DENND5A: variants seen among roughly 807,000 people sequenced by gnomAD.
DENND5A encodes DENN domain-containing protein 5A.
A neutral mutation model predicts 140.3 loss-of-function variants in DENND5A; 64 were observed. The ratio of observed to expected loss-of-function variants is 0.46; its 90% confidence interval spans 0.37 to 0.56. The LOEUF (loss-of-function observed/expected upper bound fraction) is 0.56. DENND5A is among the 20% of genes least tolerant of loss of function. The pLI, the probability that DENND5A is intolerant of heterozygous loss-of-function variation, is 0.00. For missense variants in DENND5A, 1,292 were observed against 1,593.8 expected (o/e 0.81, Z 3.22); for synonymous variants, 605 against 607.7 (o/e 1.00, Z 0.07).
intron 7 of DENND5A, 143 bp from the exon 8 acceptor site, chr11:9,178,509 A>G (rs956627373): frequency 6.4e-6 from 4 of 627,014 alleles, no homozygotes; most frequent in African/African-American, 1.8e-5. Flanking sequence ...TTAAAAAAAA[A>G]AAAACCCACT....
In DENND5A at chr11:9,150,715, C is replaced by CA. The variant is rs752515542; in HGVS notation, c.2570dup (p.Met857IlefsTer24). 6.2e-7 allele frequency: 1 copy of CA among 1,613,540 alleles called. No homozygotes were observed. The highest frequency in any genetic ancestry group is 8.5e-7 in the Non-Finnish European group (1 of 1,179,610). Reference sequence around the variant, plus strand: ...GAATCAGGGAGATCCTCAGGGGAGGCATGAGTGAGCTGGCATCAGACTTCC... The same window carrying CA: ...GAATCAGGGAGATCCTCAGGGGAGGCAATGAGTGAGCTGGCATCAGACTTCC... On this transcript the variant is annotated frameshift_variant, in exon 14 of 23. Transcript: ENST00000328194. LOFTEE classifies it high-confidence loss of function.
intron 1 of DENND5A, chr11:9,242,636 C>T (rs1180886629): frequency 2.0e-5 from 3 of 152,050 alleles, no homozygotes; most frequent in Admixed American, 2.0e-4. Flanking sequence ...GGGATAATAC[C>T]ATCTAATACC....
intron 16 of DENND5A, chr11:9,146,792 A>G (rs1847445408): frequency 6.4e-6 from 3 of 467,418 alleles, no homozygotes; most frequent in Admixed American, 3.5e-5. Flanking sequence ...CTAGGACAAC[A>G]CCGACAACAC....
intron 19 of DENND5A, 112 bp from the exon 20 acceptor site, chr11:9,143,597 T>C (rs1847322193): frequency 1.5e-5 from 13 of 879,296 alleles, no homozygotes; most frequent in Non-Finnish European, 2.3e-5. Flanking sequence ...GCAGGGCAGC[T>C]GGACCCTAGG....
At chr11:9,143,947 T>C (rs368270510) in intron 19 of DENND5A, 150 bp downstream of exon 19, 3 of 869,578 alleles carry the variant, frequency 3.4e-6, no homozygotes, top group Non-Finnish European at 5.4e-6. Context: ...AAGAGAAGGG[T>C]GCCATATGTG....
At chr11:9,207,036 C>T in intron 2 of DENND5A, 1 of 501,326 alleles carries the variant, frequency 2.0e-6, no homozygotes. Flanking sequence ...ACTACTCAAA[C>T]CCAATGGTTA....
chr11:9,252,215 T>C (rs1436861684), intron 1 of DENND5A, among the ~76,000 whole-genome samples: 1 of 147,142 alleles, frequency 6.8e-6, no homozygotes, highest in Non-Finnish European at 1.5e-5. Flanking sequence ...GGAGAATCGC[T>C]TGAACCCGGG....
chr11:9,156,328 C>A (rs1476543415), intron 12 of DENND5A, among the ~76,000 whole-genome samples: 1 of 152,098 alleles, frequency 6.6e-6, no homozygotes, highest in African/African-American at 2.4e-5. Context: ...AATGGAACCT[C>A]AACTAAAAAG....
At chr11:9,243,298 T>G (rs1851324445) in intron 1 of DENND5A, among the ~76,000 whole-genome samples, 1 of 152,068 alleles carries the variant, frequency 6.6e-6, no homozygotes, top group Admixed American at 6.6e-5. Flanking sequence ...ATTCAAAATG[T>G]ACTACTTTTA....
chr11:9,242,726 G>C (rs1314169144), intron 1 of DENND5A: 1 of 152,098 alleles, frequency 6.6e-6, no homozygotes, highest in African/African-American at 2.4e-5. Flanking sequence ...AATGTTACCA[G>C]CCTCATGTTT....
intron 4 of DENND5A, among the ~76,000 whole-genome samples, chr11:9,198,865 G>T (rs1386074747): frequency 6.7e-6 from 1 of 149,642 alleles, no homozygotes; most frequent in Admixed American, 6.7e-5. Context: ...GAGATCAGGA[G>T]TTCGAGACCA....
intron 1 of DENND5A, 137 bp downstream of exon 1, chr11:9,264,824 T>TCGCCCG: frequency 1.4e-6 from 1 of 705,510 alleles, no homozygotes; most frequent in Non-Finnish European, 2.3e-6. Context: ...AAAGCCCCCT[T>TCGCCCG]CGCCCGCGCC....
chr11:9,160,428 T>G (rs1198295078), intron 12 of DENND5A, among the ~76,000 whole-genome samples: 1 of 152,262 alleles, frequency 6.6e-6, no homozygotes, highest in Non-Finnish European at 1.5e-5. Flanking sequence ...ATCTCTAGAC[T>G]AGGGCCAGCT....
intron 20 of DENND5A, 108 bp from the exon 21 acceptor site, chr11:9,142,953 G>A: frequency 2.1e-6 from 3 of 1,438,010 alleles, no homozygotes; most frequent in Non-Finnish European, 2.8e-6. Flanking sequence ...GCAAAAGACA[G>A]GCTAGGACTT....
Position 9,179,017 on chromosome 11 carries a change from T to C in DENND5A, c.1512A>G (p.Glu504=), listed in dbSNP as rs2136173166. Residue 504 remains glutamate (E), a synonymous_variant, in exon 7 of 23, where the codon GAA becomes GAG. Transcript: ENST00000328194. ...TTAGCTGGTAAATCCTGAGTTCTTC[T>C]TCATCACACTGAACTTTGAGATCCT... The part of the protein sequence containing the change: ...SNKDLKVQCD[E]EELRIYQLNI... The C allele has an allele frequency of 6.2e-7, 1 of 1,614,164 alleles. No individual in the cohort carries two copies. The highest frequency in any genetic ancestry group is 8.5e-7 in the Non-Finnish European group (1 of 1,180,022).
chr11:9,157,098 T>G (rs987478737), intron 12 of DENND5A, among the ~76,000 whole-genome samples: 5 of 152,218 alleles, frequency 3.3e-5, no homozygotes, highest in Non-Finnish European at 5.9e-5. Context: ...TCAGCATATA[T>G]GTTTTACCTC....
In DENND5A at chr11:9,226,878, T is replaced by A. The variant is rs941472107; in HGVS notation, c.110-19246A>T. On this transcript the variant is annotated intron_variant, in intron 1 of 22. Transcript: ENST00000328194. ...TGTCAATAAATCCAAGCTATGAAAA[T>A]AAGCACAAGGACGAGAGTGGTGACT... is the stretch of plus-strand genomic sequence containing the variant. 2.0e-4 allele frequency among the ~76,000 whole-genome samples: 30 copies of A among 152,038 alleles called. No homozygotes were observed. The South Asian group carries it at 4.4e-3, about 22-fold the overall frequency.
chr11:9,263,562 G>A (rs1276749858), intron 1 of DENND5A, among the ~76,000 whole-genome samples: 44 of 149,496 alleles, frequency 2.9e-4, no homozygotes, highest in Admixed American at 1.9e-3. Context: ...GAAACACTGG[G>A]CCGGGCGCGG....
At chr11:9,214,256 G>T (rs1009480409) in intron 1 of DENND5A, among the ~76,000 whole-genome samples, 1 of 152,144 alleles carries the variant, frequency 6.6e-6, no homozygotes, top group African/African-American at 2.4e-5. Context: ...CTCTCTGGCT[G>T]CTCCAGCATT....
Sources: allele counts gnomAD v4.1 joint callset (sites outside exome capture counted in the v4.1 genomes callset), GRCh38; gene constraint gnomAD v4.1.1; transcripts MANE v1.5; gene names NCBI Gene and HGNC (gene_info 2026-07-23, HGNC 2026-07-21).